The following SLC22A23 variants were observed in gnomAD, a reference collection of about 807,000 sequenced individuals.
SLC22A23 encodes solute carrier family 22 member 23.
In SLC22A23, 26 loss-of-function variants were observed where a neutral mutation model predicts 61.0. The ratio of observed to expected loss-of-function variants is 0.43; its 90% CI spans 0.31 to 0.59. The LOEUF is 0.59. Ranked by LOEUF, SLC22A23 falls within the 20% of genes least tolerant of loss-of-function variation. The pLI, the probability that SLC22A23 is intolerant of heterozygous loss-of-function variation, is 0.11. For missense variants in SLC22A23, 796 were observed against 934.7 expected, an observed-to-expected ratio of 0.85 and a Z score of 1.94; for synonymous variants, 430 against 413.9, an observed-to-expected ratio of 1.04 and a Z score of -0.47.
At chr6:3,350,770 G>A (rs1254224939) in intron 3 of SLC22A23, among the ~76,000 whole-genome samples, 2 of 152,134 alleles carry the variant, frequency 1.3e-5, no homozygotes, top group African/African-American at 4.8e-5. Flanking sequence ...TTTTTATTAT[G>A]AGAGCAGATT....
At chr6:3,378,640 T>C (rs1448576706) in intron 3 of SLC22A23, among the ~76,000 whole-genome samples, 3 of 144,142 alleles carry the variant, frequency 2.1e-5, no homozygotes, top group Non-Finnish European at 4.5e-5. Context: ...TCAGACTTTT[T>C]TTTTCTTTTC....
chr6:3,430,638 T>C (rs142346273), intron 1 of SLC22A23, among the ~76,000 whole-genome samples: 87 of 152,194 alleles, frequency 5.7e-4, no homozygotes, highest in African/African-American at 1.8e-3. Context: ...GAAAGGACTA[T>C]GCTGAGGGGT....
At position 3,456,476 on chromosome 6, in the gene SLC22A23, C is replaced by T; in HGVS notation, c.84G>A (p.Pro28=). Residue 28 remains proline (P), a synonymous_variant, in exon 1 of 10, where the codon CCG becomes CCA. Coordinates refer to ENST00000406686, the MANE Select transcript of SLC22A23 (RefSeq NM_015482.2). The surrounding 1 kb of genome is among the most constrained non-coding windows in gnomAD (Gnocchi z 7.1). ...GCGCCGAGGCCGCCGCGTCCCCGGG[C>T]GGCAGGGAGCCGTTCTCCTCGGCCG... ...PAPAEENGSL[P]PGDAAASAPL... 1 of 1,177,126 alleles carries T rather than the reference C, an allele frequency of 8.5e-7. No homozygotes were observed. Among genetic ancestry groups the T allele is most frequent in the Middle Eastern group, 3.5e-4 (1 of 2,892 alleles). 72.9% of individuals were successfully genotyped at this position (1,177,126 alleles called of 1,614,324 possible). A position where few individuals can be genotyped will look rare whatever the true frequency, so the allele number is the denominator to read the frequency against.
intron 3 of SLC22A23, among the ~76,000 whole-genome samples, chr6:3,381,136 C>G (rs916168521): frequency 5.9e-5 from 9 of 152,180 alleles, no homozygotes; most frequent in African/African-American, 1.9e-4. Flanking sequence ...CTTTCTGTGT[C>G]TCCTTCATCA....
rs185276414 is a variant in SLC22A23 at position 3,318,761 on chromosome 6, C to A, written c.1082+5073G>T. 2.4e-3 allele frequency among the ~76,000 whole-genome samples: 373 copies of A among 152,298 alleles called. 2 individuals carry two copies. Among genetic ancestry groups the A allele is most frequent in the African/African-American group, 8.6e-3 (358 of 41,562 alleles). ...GTCTCCTGGTCACCTCATCCTGTCA[C>A]CCACCACAGTAGGATAGCAGGACAG... On this transcript the variant is annotated intron_variant, in intron 4 of 9. Coordinates refer to ENST00000406686, the MANE Select transcript of SLC22A23 (RefSeq NM_015482.2). This position sits in a 1 kb window ranked among gnomAD's most constrained non-coding sequence, Gnocchi z 4.3.
intron 9 of SLC22A23, among the ~76,000 whole-genome samples, chr6:3,279,149 C>T (rs1759183132): frequency 1.3e-5 from 2 of 152,052 alleles, no homozygotes; most frequent in African/African-American, 4.8e-5. Flanking sequence ...TGTACACATG[C>T]ATATATAATA....
chr6:3,378,718 C>T (rs1266091985), intron 3 of SLC22A23, among the ~76,000 whole-genome samples: 7 of 134,152 alleles, frequency 5.2e-5, no homozygotes, highest in East Asian at 2.2e-4. Flanking sequence ...AGTGCAATGG[C>T]GTGATCTCGG....
chr6:3,436,941 A>G (rs915992298), intron 1 of SLC22A23, among the ~76,000 whole-genome samples: 2 of 152,242 alleles, frequency 1.3e-5, no homozygotes, highest in African/African-American at 4.8e-5. Flanking sequence ...CAAGGAGAAA[A>G]TGCCTTCTGA....
In SLC22A23 at chr6:3,370,014, C is replaced by T. The variant is rs939326647; in HGVS notation, c.913+40174G>A. Among the ~76,000 whole-genome samples the T allele has an allele frequency of 2.6e-5, 4 of 152,108 alleles. 1 individual carries two copies. The highest frequency in any genetic ancestry group is 2.4e-5 in the African/African-American group (1 of 41,426). ...ATCACCCTTCTCTTTTTGGAGGAAG[C>T]GGCAAATTATAAGAAAATAGATCCA... On this transcript the variant is annotated intron_variant, in intron 3 of 9. Transcript: ENST00000406686.
chr6:3,280,748 A>G lies in SLC22A23; in HGVS notation c.1703+3104T>C, dbSNP rs555807361. On this transcript the variant is annotated intron_variant, in intron 9 of 9. Transcript: ENST00000406686. Reference sequence around the variant, plus strand: ...CCTGACCTCGTGATCTGCCCGCCTCAGCCTCCCAAAGTGCTGGGATTACAG... The same window carrying G: ...CCTGACCTCGTGATCTGCCCGCCTCGGCCTCCCAAAGTGCTGGGATTACAG... Among the ~76,000 whole-genome samples, 81 of 152,052 alleles carry G rather than the reference A, an allele frequency of 5.3e-4. 1 individual carries two copies. The highest frequency in any genetic ancestry group is 3.5e-4 in the Non-Finnish European group (24 of 67,976).
chr6:3,407,626 T>G (rs914941918), intron 3 of SLC22A23, among the ~76,000 whole-genome samples: 3 of 152,264 alleles, frequency 2.0e-5, no homozygotes, highest in Non-Finnish European at 4.4e-5. Flanking sequence ...GCCCTTTGGT[T>G]TAGTTTAGTT....
chr6:3,287,683 T>TTG lies in SLC22A23; in HGVS notation c.1314-593_1314-592insCA, dbSNP rs1554134151. ...AGGGTCCACAGGAAACTGTTTTTTT[T>TTG]TTTGTTTTGTTTTGTTTTTGAGTAG... On this transcript the variant is annotated intron_variant, in intron 6 of 9. Transcript: ENST00000406686. 6.0e-5 allele frequency among the ~76,000 whole-genome samples: 7 copies of TTG among 116,502 alleles called. No individual in the cohort carries two copies. The East Asian group carries it at 1.4e-3, about 24-fold the overall frequency. The allele number at this position is 116,502 out of a possible 152,430, so 76.4% of individuals were successfully genotyped here. A position where few individuals can be genotyped will look rare whatever the true frequency, so the allele number is the denominator to read the frequency against.
At chr6:3,369,721 T>A (rs930866187) in intron 3 of SLC22A23, among the ~76,000 whole-genome samples, 10 of 149,952 alleles carry the variant, frequency 6.7e-5, no homozygotes, top group Non-Finnish European at 1.0e-4. Context: ...AATAAACAAA[T>A]GTTTAGGTTC....
At chr6:3,435,932 C>G (rs1264076431) in intron 1 of SLC22A23, among the ~76,000 whole-genome samples, 1 of 152,106 alleles carries the variant, frequency 6.6e-6, no homozygotes, top group African/African-American at 2.4e-5. Flanking sequence ...ATCTGCAAGC[C>G]AAGGAGAGAG....
chr6:3,358,045 A>T (rs73358711), intron 3 of SLC22A23, among the ~76,000 whole-genome samples: 12,212 of 152,218 alleles, frequency 0.08, 639 homozygotes, highest in African/African-American at 0.15. Context: ...AGTGCAGAAG[A>T]GGCTAGACAG....
In SLC22A23 at chr6:3,289,873, A is replaced by G; in HGVS notation, c.1211-7T>C. 1 of 1,613,338 alleles carries G rather than the reference A, an allele frequency of 6.2e-7. No individual in the cohort carries two copies. Among genetic ancestry groups the G allele is most frequent in the Non-Finnish European group, 8.5e-7 (1 of 1,179,698 alleles). On this transcript the variant is annotated splice_polypyrimidine_tract_variant and splice_region_variant and intron_variant, in intron 5 of 9. Coordinates refer to ENST00000406686, the MANE Select transcript of SLC22A23 (RefSeq NM_015482.2). ...GAAAGCTCTTTCTCCAGCTCTGCAA[A>G]GAAACAGACCCTGTGAGCCCTGGGC...
chr6:3,335,553 A>G (rs753709867), intron 3 of SLC22A23, among the ~76,000 whole-genome samples: 3 of 152,156 alleles, frequency 2.0e-5, no homozygotes, highest in Non-Finnish European at 4.4e-5. Context: ...GGCCTCAGTG[A>G]GCAGGGCTCT....
At chr6:3,433,288 C>A (rs1770989132) in intron 1 of SLC22A23, among the ~76,000 whole-genome samples, 1 of 152,168 alleles carries the variant, frequency 6.6e-6, no homozygotes, top group African/African-American at 2.4e-5. Context: ...CTTCTCCCTG[C>A]CCAAATGGTA....
intron 4 of SLC22A23, among the ~76,000 whole-genome samples, chr6:3,305,579 A>G (rs938910632): frequency 1.3e-5 from 2 of 152,194 alleles, no homozygotes; most frequent in East Asian, 3.8e-4. Flanking sequence ...TATTATGGGA[A>G]CTTAATGAAA....
Sources: gnomAD v4.1 joint callset for allele counts (sites outside exome capture counted in the v4.1 genomes callset) on GRCh38, gnomAD v4.1.1 for gene constraint, Gnocchi (gnomAD v3.1) non-coding constraint, MANE v1.5 for transcripts, NCBI Gene and HGNC (gene_info 2026-07-23, HGNC 2026-07-21) for gene names.